Variants in CSGALNACT1 observed in about 807,000 individuals in gnomAD.
The protein encoded by CSGALNACT1 is chondroitin sulfate N-acetylgalactosaminyltransferase 1.
CSGALNACT1 carries 52 observed loss-of-function variants against 51.0 expected under a neutral mutation model. The ratio of observed to expected loss-of-function variants is 1.02; its 90% CI spans 0.82 to 1.29. The LOEUF is 1.29. Among genes scored for constraint, CSGALNACT1 ranks in the 50% most tolerant of loss-of-function variants. The probability of loss-of-function intolerance (pLI) is 0.00; values close to 1 mark genes in which losing one functional copy is unlikely to be tolerated. For missense variants in CSGALNACT1, 935 were observed against 679.2 expected (o/e 1.38, Z -4.19); for synonymous variants, 341 against 254.4 (o/e 1.34, Z -3.24).
intron 3 of CSGALNACT1, among the ~76,000 whole-genome samples, chr8:19,508,833 C>T (rs572950680): frequency 6.6e-6 from 1 of 152,142 alleles, no homozygotes; most frequent in Non-Finnish European, 1.5e-5. Context: ...GCTAACTGAA[C>T]ACTATTTAAA....
At chr8:19,416,504 A>T (rs2056910347) in intron 8 of CSGALNACT1, among the ~76,000 whole-genome samples, 1 of 152,196 alleles carries the variant, frequency 6.6e-6, no homozygotes, top group Non-Finnish European at 1.5e-5. Context: ...ACAGGCCTTC[A>T]CATTCACTCA....
Position 19,553,640 on chromosome 8 carries a change from A to ACATATATATATATATATAT in CSGALNACT1, c.-297+37519_-297+37520insATATATATATATATATATG, listed in dbSNP as rs201836569. Among the ~76,000 whole-genome samples the ACATATATATATATATATAT allele has an allele frequency of 6.6e-3, 767 of 117,056 alleles. 52 individuals carry two copies. The highest frequency in any genetic ancestry group is 0.027 in the African/African-American group (734 of 27,100). 76.8% of individuals were successfully genotyped at this position (117,056 alleles called of 152,430 possible). On this transcript the variant is annotated intron_variant, in intron 3 of 9. Coordinates refer to ENST00000454498, the Ensembl canonical transcript of CSGALNACT1. ...AAATACATATATATATATATATATA[A>ACATATATATATATATATAT]AAAAATATGTCAGCCTTTCTATTAC...
At chr8:19,417,051 T>C (rs114281373) in intron 8 of CSGALNACT1, among the ~76,000 whole-genome samples, 2,275 of 152,130 alleles carry the variant, frequency 0.015, 50 homozygotes, top group African/African-American at 0.052. Context: ...AGATGGGTTT[T>C]GACACATTGG....
chr8:19,699,247 CAGTT>C, intron 1 of CSGALNACT1, among the ~76,000 whole-genome samples: 1 of 152,146 alleles, frequency 6.6e-6, no homozygotes, highest in East Asian at 1.9e-4. Flanking sequence ...TTTCAGGTCA[CAGTT>C]GGTTGAATCC....
chr8:19,755,490 T>TAAAAAAAAAA (rs2065312863), intron 1 of CSGALNACT1, among the ~76,000 whole-genome samples: 1 of 96,786 alleles, frequency 1.0e-5, no homozygotes, highest in Non-Finnish European at 2.3e-5. Context: ...AAGACAACAT[T>TAAAAAAAAAA]TATGAAGTGC....
chr8:19,682,761 C>T (rs538139271), upstream of CSGALNACT1: 8 of 454,070 alleles, frequency 1.8e-5, no homozygotes, highest in Admixed American at 4.7e-5. Flanking sequence ...AGAACAAGCC[C>T]GTCTGCCCAA....
chr8:19,472,034 A>G (rs1175745118), intron 4 of CSGALNACT1, among the ~76,000 whole-genome samples: 3 of 152,220 alleles, frequency 2.0e-5, no homozygotes, highest in Non-Finnish European at 4.4e-5. Context: ...ATCTATTCCC[A>G]TCATCTTACC....
At chr8:19,522,439 T>G (rs1343936068) in intron 3 of CSGALNACT1, among the ~76,000 whole-genome samples, 1 of 152,212 alleles carries the variant, frequency 6.6e-6, no homozygotes, top group Non-Finnish European at 1.5e-5. Context: ...ATAGTAAATT[T>G]GAAAAACTCT....
At chr8:19,542,794 C>A (rs1191427458) in intron 3 of CSGALNACT1, among the ~76,000 whole-genome samples, 1 of 151,998 alleles carries the variant, frequency 6.6e-6, no homozygotes, top group African/African-American at 2.4e-5. Flanking sequence ...AAACATAATT[C>A]ATAAGTTGTT....
At chr8:19,549,502 T>G (rs534395055) in intron 3 of CSGALNACT1, among the ~76,000 whole-genome samples, 1 of 152,092 alleles carries the variant, frequency 6.6e-6, no homozygotes, top group Non-Finnish European at 1.5e-5. Context: ...TCTTTTGTTT[T>G]TTTCCTCAGG....
chr8:19,477,066 A>T (rs1410922905), intron 4 of CSGALNACT1, among the ~76,000 whole-genome samples: 1 of 152,254 alleles, frequency 6.6e-6, no homozygotes, highest in Non-Finnish European at 1.5e-5. Context: ...CAATAACTGG[A>T]ACACATGTAA....
At chr8:19,487,616 A>G (rs1441757899) in intron 4 of CSGALNACT1, among the ~76,000 whole-genome samples, 1 of 152,200 alleles carries the variant, frequency 6.6e-6, no homozygotes, top group Non-Finnish European at 1.5e-5. Flanking sequence ...GATAAACTCC[A>G]ACAGCCGAAA....
At chr8:19,576,698 T>G (rs2044304464) in intron 3 of CSGALNACT1, among the ~76,000 whole-genome samples, 1 of 151,992 alleles carries the variant, frequency 6.6e-6, no homozygotes, top group African/African-American at 2.4e-5. Flanking sequence ...CATGCTACCC[T>G]GCTGTGATAT....
intron 3 of CSGALNACT1, among the ~76,000 whole-genome samples, chr8:19,520,710 C>A (rs2080491298): frequency 6.6e-6 from 1 of 152,214 alleles, no homozygotes; most frequent in African/African-American, 2.4e-5. Flanking sequence ...TTAAAACTTT[C>A]CATTCTCTTT....
chr8:19,464,222 A>C (rs6586834), intron 4 of CSGALNACT1, among the ~76,000 whole-genome samples: 107,996 of 151,984 alleles, frequency 0.71, 38,540 homozygotes, highest in East Asian at 0.86. Flanking sequence ...CATGGAGCCA[A>C]GGTCTCCCAG....
At chr8:19,689,947 T>C (rs1357627981) in intron 1 of CSGALNACT1, among the ~76,000 whole-genome samples, 2 of 152,252 alleles carry the variant, frequency 1.3e-5, no homozygotes, top group Non-Finnish European at 2.9e-5. Context: ...CGCCAATGCC[T>C]GATCCAGAGT....
chr8:19,653,231 C>T (rs567622629), intron 1 of CSGALNACT1, among the ~76,000 whole-genome samples: 16 of 152,238 alleles, frequency 1.1e-4, no homozygotes, highest in Non-Finnish European at 2.2e-4. Context: ...TGGTCACCTC[C>T]TGTCCTTGTA....
At chr8:19,433,893 C>G (rs906254621) in intron 6 of CSGALNACT1, among the ~76,000 whole-genome samples, 1 of 152,194 alleles carries the variant, frequency 6.6e-6, no homozygotes, top group African/African-American at 2.4e-5. Flanking sequence ...ATTGGACACA[C>G]CTGCTTTAAA....
At chr8:19,608,335 G>A (rs1418331554) in intron 1 of CSGALNACT1, among the ~76,000 whole-genome samples, 3 of 152,110 alleles carry the variant, frequency 2.0e-5, no homozygotes, top group Non-Finnish European at 4.4e-5. Flanking sequence ...TGGAAGTAGC[G>A]GTATGGGGAG....
Sources: gnomAD v4.1 joint callset for allele counts (sites outside exome capture counted in the v4.1 genomes callset) on GRCh38, gnomAD v4.1.1 for gene constraint, MANE v1.5 for transcripts, NCBI Gene and HGNC (gene_info 2026-07-23, HGNC 2026-07-21) for gene names.